KCNAB1: variants seen among roughly 807,000 people sequenced by gnomAD.
KCNAB1 encodes voltage-gated potassium channel subunit beta-1.
Under a neutral mutation model 64.6 loss-of-function variants are expected in KCNAB1, and 35 were observed. The ratio of observed to expected loss-of-function variants is 0.54; its 90% CI spans 0.41 to 0.72. The LOEUF is 0.72. Among genes scored for constraint, KCNAB1 ranks in the 30% least tolerant of loss-of-function variants. The pLI is 0.00. For missense variants in KCNAB1, 401 were observed against 512.9 expected (o/e 0.78, Z 2.11); for synonymous variants, 177 against 183.8 (o/e 0.96, Z 0.30).
At chr3:156,303,967 A>G (rs1721321370) in intron 1 of KCNAB1, among the ~76,000 whole-genome samples, 1 of 152,240 alleles carries the variant, frequency 6.6e-6, no homozygotes, top group Admixed American at 6.5e-5. Context: ...CAAGTCATTG[A>G]TGATCATTAA....
intron 1 of KCNAB1, among the ~76,000 whole-genome samples, chr3:156,244,438 A>G (rs1717340020): frequency 6.6e-6 from 1 of 152,190 alleles, no homozygotes; most frequent in Non-Finnish European, 1.5e-5. Flanking sequence ...TTACACCACC[A>G]AAGTCCCTTT....
At chr3:156,315,193 T>A (rs1722194997) in intron 1 of KCNAB1, among the ~76,000 whole-genome samples, 1 of 152,176 alleles carries the variant, frequency 6.6e-6, no homozygotes, top group Non-Finnish European at 1.5e-5. Flanking sequence ...GTGAGGCTTG[T>A]CTCAATGGTG....
intron 1 of KCNAB1, chr3:156,291,860 C>G (rs752611476): frequency 5.0e-6 from 8 of 1,609,010 alleles, no homozygotes; most frequent in Non-Finnish European, 6.8e-6. Flanking sequence ...CTCGTGACTG[C>G]CTGTGTTCTG....
At chr3:156,333,842 G>A (rs149091354) in intron 1 of KCNAB1, among the ~76,000 whole-genome samples, 3,267 of 152,156 alleles carry the variant, frequency 0.021, 88 homozygotes, top group Non-Finnish European at 0.026. Context: ...GTTTTAATTT[G>A]CATCTTTTCA....
At chr3:156,340,726 C>G (rs16826007) in intron 1 of KCNAB1, among the ~76,000 whole-genome samples, 2,618 of 152,266 alleles carry the variant, frequency 0.017, 80 homozygotes, top group African/African-American at 0.06. Context: ...TTCAGTGGGC[C>G]TGTGATCATC....
chr3:156,250,957 T>G (rs1717798165), intron 1 of KCNAB1, among the ~76,000 whole-genome samples: 1 of 152,238 alleles, frequency 6.6e-6, no homozygotes, highest in African/African-American at 2.4e-5. Flanking sequence ...TTCTTTTATC[T>G]GCCCAGGATT....
intron 1 of KCNAB1, among the ~76,000 whole-genome samples, chr3:156,164,363 C>G (rs919601293): frequency 2.0e-5 from 3 of 152,220 alleles, no homozygotes; most frequent in African/African-American, 7.2e-5. Context: ...TGAGGCCGCT[C>G]TCTTGAGAAG....
intron 1 of KCNAB1, chr3:156,176,459 T>C (rs1014464205): frequency 3.8e-6 from 3 of 786,004 alleles, no homozygotes; most frequent in African/African-American, 1.7e-5. Context: ...AAAGGAAGTA[T>C]GTCCCTTTAG....
At chr3:156,433,830 A>T (rs1716398722) in intron 2 of KCNAB1, among the ~76,000 whole-genome samples, 1 of 152,164 alleles carries the variant, frequency 6.6e-6, no homozygotes. Flanking sequence ...GAGGCTTCCT[A>T]CAAGTTCCCA....
At chr3:156,171,827 G>A (rs1712013177) in intron 1 of KCNAB1, among the ~76,000 whole-genome samples, 2 of 152,152 alleles carry the variant, frequency 1.3e-5, no homozygotes, top group Admixed American at 6.5e-5. Context: ...TGACAAAAAT[G>A]CCTAGCCTAT....
In KCNAB1 at chr3:156,276,251, C is replaced by T. The variant is rs940353262; in HGVS notation, c.276-145365C>T. On this transcript the variant is annotated intron_variant, in intron 1 of 13. Coordinates refer to ENST00000490337, the MANE Select transcript of KCNAB1 (RefSeq NM_172160.3). ...CTAAGGAGTAAGTCTAAGAAGTTGG[C>T]TTGAAAACATTCAGCAAACCATGTT... Among the ~76,000 whole-genome samples, 6 of 152,104 alleles carry T rather than the reference C, an allele frequency of 3.9e-5. No individual in the cohort carries two copies. The South Asian group carries it at 6.2e-4, about 16-fold the overall frequency.
chr3:156,307,755 A>G lies in KCNAB1; in HGVS notation c.276-113861A>G, dbSNP rs1721603857. Among the ~76,000 whole-genome samples, 2 of 152,192 alleles carry G rather than the reference A, an allele frequency of 1.3e-5. 1 individual carries two copies. Among genetic ancestry groups the G allele is most frequent in the South Asian group, 4.1e-4 (2 of 4,826 alleles). On this transcript the variant is annotated intron_variant, in intron 1 of 13. Coordinates refer to ENST00000490337, the MANE Select transcript of KCNAB1 (RefSeq NM_172160.3). ...AGTTACAGGGCAGGTCTGTCTAATTACTAAACTATTGTTATTAAAACTTTT... is the reference window on the plus strand; with the variant it reads ...AGTTACAGGGCAGGTCTGTCTAATTGCTAAACTATTGTTATTAAAACTTTT...
chr3:156,445,283 G>A (rs921736182), intron 2 of KCNAB1, among the ~76,000 whole-genome samples: 14 of 152,274 alleles, frequency 9.2e-5, no homozygotes, highest in South Asian at 6.2e-4. Context: ...GTGACAGAGC[G>A]AGACTCTGTC....
chr3:156,294,515 T>C (rs1720659308), intron 1 of KCNAB1, among the ~76,000 whole-genome samples: 3 of 152,200 alleles, frequency 2.0e-5, no homozygotes, highest in African/African-American at 7.2e-5. Flanking sequence ...ATATACTTTA[T>C]AAAAAATGAT....
chr3:156,193,940 A>G (rs1326344614), intron 1 of KCNAB1, among the ~76,000 whole-genome samples: 1 of 152,196 alleles, frequency 6.6e-6, no homozygotes, highest in Non-Finnish European at 1.5e-5. Flanking sequence ...GTTGAAAAGC[A>G]TTCATATATC....
intron 1 of KCNAB1, among the ~76,000 whole-genome samples, chr3:156,147,096 TGGGGTGA>T (rs1224436335): frequency 6.6e-6 from 1 of 152,108 alleles, no homozygotes; most frequent in African/African-American, 2.4e-5. Context: ...ACAGAGAGCC[TGGGGTGA>T]GGGACCATGC....
chr3:156,199,708 G>C lies in KCNAB1; in HGVS notation c.275+78822G>C, dbSNP rs150641581. On this transcript the variant is annotated intron_variant, in intron 1 of 13. Transcript: ENST00000490337. Reference sequence around the variant, plus strand: ...TTTTCTAAACCAGTTATTCTAGTTAGCAATTCTTGTAACCCTGTATCAAAG... The same window carrying C: ...TTTTCTAAACCAGTTATTCTAGTTACCAATTCTTGTAACCCTGTATCAAAG... Among the ~76,000 whole-genome samples, 1,395 of 152,218 alleles carry C rather than the reference G, an allele frequency of 9.2e-3. 21 individuals are homozygous for C. The highest frequency in any genetic ancestry group is 0.032 in the African/African-American group (1,325 of 41,518).
intron 1 of KCNAB1, among the ~76,000 whole-genome samples, chr3:156,158,168 AAAAAAAAT>A (rs536972029): frequency 0.043 from 3,544 of 83,314 alleles, 166 homozygotes; most frequent in African/African-American, 0.096. Context: ...CTGTCTCAAA[AAAAAAAAT>A]AAAAAATAAA....
At position 156,348,434 on chromosome 3, in the gene KCNAB1, T is replaced by G. The variant is rs184366410; in HGVS notation, c.276-73182T>G. Among the ~76,000 whole-genome samples the G allele has an allele frequency of 6.6e-5, 10 of 152,324 alleles. No homozygotes were observed. In the East Asian group the frequency reaches 1.9e-3, roughly 29 times the overall value. ...AGTTGAGATATATTAGGGGTGGGAC[T>G]GACATTTCTTGTCCGTGGATTGGGC... On this transcript the variant is annotated intron_variant, in intron 1 of 13. Coordinates refer to ENST00000490337, the MANE Select transcript of KCNAB1 (RefSeq NM_172160.3).
Sources: allele counts gnomAD v4.1 joint callset (sites outside exome capture counted in the v4.1 genomes callset), GRCh38; gene constraint gnomAD v4.1.1; transcripts MANE v1.5; gene names NCBI Gene and HGNC (gene_info 2026-07-23, HGNC 2026-07-21).